LRP1: variants seen among roughly 807,000 people sequenced by gnomAD.
The protein encoded by LRP1 is LDL receptor related protein 1.
A neutral mutation model predicts 541.5 loss-of-function variants in LRP1; 51 were observed. The ratio of observed to expected loss-of-function variants is 0.09; its 90% CI spans 0.08 to 0.12. The LOEUF is 0.12. Ranked by LOEUF, LRP1 falls within the 10% of genes least tolerant of loss-of-function variation. LRP1 has a pLI of 1.00. For synonymous variants in LRP1, 2,219 were observed against 2,470.8 expected (o/e 0.90, Z 3.02); for missense variants, 3,878 against 6,376.2 (o/e 0.61, Z 13.34).
chr12:57,208,217 G>T lies in LRP1; in HGVS notation c.12038+1G>T. On this transcript the variant is annotated splice_donor_variant, in intron 77 of 88. Coordinates refer to ENST00000243077, the MANE Select transcript of LRP1 (RefSeq NM_002332.3). LOFTEE classifies it high-confidence loss of function. Reference sequence around the variant, plus strand: ...CCATTGTGGTGGACCCACTGAGGGGGTGGGCAAGGGCCCTGGGGGGAGGCC... The same window carrying T: ...CCATTGTGGTGGACCCACTGAGGGGTTGGGCAAGGGCCCTGGGGGGAGGCC... 6.2e-7 allele frequency: 1 copy of T among 1,612,888 alleles called. No individual in the cohort carries two copies. Among genetic ancestry groups the T allele is most frequent in the Non-Finnish European group, 8.5e-7 (1 of 1,179,528 alleles).
In LRP1 at chr12:57,177,352, T is replaced by TCTAC. The variant is rs2036067112; in HGVS notation, c.4197-70_4197-67dup. 2.6e-5 allele frequency: 41 copies of TCTAC among 1,559,556 alleles called. 1 individual carries two copies. The South Asian group carries it at 4.7e-4, about 18-fold the overall frequency. ...CAGTGCCATCTGCCTCCTCCCACCCTCTACCTACGATCCCACCACAGTCGC... is the reference window on the plus strand; with the variant it reads ...CAGTGCCATCTGCCTCCTCCCACCCTCTACCTACCTACGATCCCACCACAGTCGC... On this transcript the variant is annotated intron_variant, in intron 25 of 88. Coordinates refer to ENST00000243077, the MANE Select transcript of LRP1 (RefSeq NM_002332.3). This position sits in a 1 kb window ranked among gnomAD's most constrained non-coding sequence, Gnocchi z 6.8.
In LRP1 at chr12:57,140,711, C is replaced by G. The variant is rs116498697; in HGVS notation, c.191-663C>G. Among the ~76,000 whole-genome samples, 324 of 152,222 alleles carry G rather than the reference C, an allele frequency of 2.1e-3. 1 individual carries two copies. Among genetic ancestry groups the G allele is most frequent in the African/African-American group, 7.6e-3 (315 of 41,524 alleles). On this transcript the variant is annotated intron_variant, in intron 2 of 88. Coordinates refer to ENST00000243077, the MANE Select transcript of LRP1 (RefSeq NM_002332.3). ...AGTTTCTCTGCCATGGACCCTGCTTCCCTCAGCTCATCAAAACCTTTTTTT... is the reference window on the plus strand; with the variant it reads ...AGTTTCTCTGCCATGGACCCTGCTTGCCTCAGCTCATCAAAACCTTTTTTT...
At chr12:57,180,531 C>T in intron 32 of LRP1, 52 bp downstream of exon 32, 1 of 1,609,278 alleles carries the variant, frequency 6.2e-7, no homozygotes, top group South Asian at 1.1e-5. Context: ...CAGGCCAGAC[C>T]TACTGGGAGA....
rs749273635 is a variant in LRP1 at position 57,156,816 on chromosome 12, C to A, written c.1457C>A (p.Pro486Gln). ...TGTGAAAACGACCAGTATGGGAAGCCGGGTGGCTGCTCTGACATCTGCCTG... is the reference window on the plus strand; with the variant it reads ...TGTGAAAACGACCAGTATGGGAAGCAGGGTGGCTGCTCTGACATCTGCCTG... ...HACENDQYGK[P>Q]GGCSDICLLA... The change falls in exon 10 of 89, where the codon CCG becomes CAG. Residue 486 changes from proline to glutamine, a missense_variant. Pro to Gln is a moderately conservative substitution (Grantham distance 76). Coordinates refer to ENST00000243077, the MANE Select transcript of LRP1 (RefSeq NM_002332.3). This position sits in a 1 kb window ranked among gnomAD's most constrained non-coding sequence, Gnocchi z 5.2. The A allele has an allele frequency of 6.2e-7, 1 of 1,609,202 alleles. No homozygotes were observed. The highest frequency in any genetic ancestry group is 1.1e-5 in the South Asian group (1 of 90,802).
chr12:57,184,595 A>G lies in LRP1; in HGVS notation c.6186+143A>G. Reference sequence around the variant, plus strand: ...AGCCCAGCCCTCCACCCAGAGTAGGACTCCTGCTACCACAGAGATGATGGG... The same window carrying G: ...AGCCCAGCCCTCCACCCAGAGTAGGGCTCCTGCTACCACAGAGATGATGGG... On this transcript the variant is annotated intron_variant, in intron 38 of 88. Transcript: ENST00000243077. This position sits in a 1 kb window ranked among gnomAD's most constrained non-coding sequence, Gnocchi z 7.8. The G allele has an allele frequency of 7.9e-7, 1 of 1,261,624 alleles. No homozygotes were observed. Among genetic ancestry groups the G allele is most frequent in the Non-Finnish European group, 1.1e-6 (1 of 921,554 alleles). The allele number at this position is 1,261,624 out of a possible 1,614,324, so 78.2% of individuals were successfully genotyped here.
intron 68 of LRP1, 140 bp downstream of exon 68, chr12:57,202,677 A>G: frequency 1.6e-6 from 1 of 639,786 alleles, no homozygotes; most frequent in Non-Finnish European, 2.8e-6. Flanking sequence ...CACCCATCCC[A>G]CTCCATGTCG....
chr12:57,185,161 T>C lies in LRP1; in HGVS notation c.6419T>C (p.Val2140Ala). 6.2e-7 allele frequency: 1 copy of C among 1,614,082 alleles called. No individual in the cohort carries two copies. Among genetic ancestry groups the C allele is most frequent in the African/African-American group, 1.3e-5 (1 of 75,010 alleles). ...GTGCCCCTGCGAACCGGCATCGGCGTCCAGCTTAAAGACATCAAAGTCTTC... is the reference window on the plus strand; with the variant it reads ...GTGCCCCTGCGAACCGGCATCGGCGCCCAGCTTAAAGACATCAAAGTCTTC... ...DSVPLRTGIG[V>A]QLKDIKVFNR... The change falls in exon 40 of 89, where the codon GTC (valine) becomes GCC (alanine). Residue 2140 changes from valine (V) to alanine (A), a missense_variant. Val to Ala is a moderately conservative substitution (Grantham distance 64). Coordinates refer to ENST00000243077, the MANE Select transcript of LRP1 (RefSeq NM_002332.3). The surrounding 1 kb of genome is among the most constrained non-coding windows in gnomAD (Gnocchi z 4.9).
Position 57,190,928 on chromosome 12 carries a change from C to T in LRP1, c.7155C>T (p.Asp2385=). 6.2e-7 allele frequency: 1 copy of T among 1,613,502 alleles called. No homozygotes were observed. Among genetic ancestry groups the T allele is most frequent in the Non-Finnish European group, 8.5e-7 (1 of 1,180,000 alleles). The change falls in exon 43 of 89, where the codon GAC becomes GAT. Residue 2385 remains aspartate, a synonymous_variant. Coordinates refer to ENST00000243077, the MANE Select transcript of LRP1 (RefSeq NM_002332.3). ...DIRTPNGLAI[D]HRAEKLYFSD... ...GTACCCCCAATGGCCTGGCCATCGA[C>T]CACCGTGCCGAGAAGCTCTACTTCT...
intron 6 of LRP1, chr12:57,149,127 C>A: frequency 2.1e-6 from 1 of 477,484 alleles, no homozygotes; most frequent in Non-Finnish European, 3.7e-6. Context: ...GTGCTGGGCA[C>A]CCCTGGACCC....
rs748150646 is a variant in LRP1, at chr12:57,206,701, G to A, written c.11819G>A (p.Arg3940His). Residue 3940 changes from arginine (R) to histidine (H), a missense_variant, in exon 76 of 89, where the codon CGC (arginine) becomes CAC (histidine). Transcript: ENST00000243077. This position sits in a 1 kb window ranked among gnomAD's most constrained non-coding sequence, Gnocchi z 4.7. ...GCTGCGCCTCCTACCACTTCCAACC[G>A]CCACCGGCGACAGATTGACCGGGGT... Reference protein sequence around the residue: ...PPAAPPTTSNRHRRQIDRGVT... With the variant: ...PPAAPPTTSNHHRRQIDRGVT... 17 of 1,613,158 alleles carry A rather than the reference G, an allele frequency of 1.1e-5. No homozygotes were observed. Among genetic ancestry groups the A allele is most frequent in the Admixed American group, 1.7e-5 (1 of 60,002 alleles).
At position 57,173,221 on chromosome 12, in the gene LRP1, G is replaced by A. The variant is rs775184428; in HGVS notation, c.3217G>A (p.Gly1073Arg). The change falls in exon 21 of 89, where the codon GGA becomes AGA. Residue 1073 changes from glycine (G) to arginine (R), a missense_variant. By Grantham distance (125) the Gly-to-Arg change is moderately radical. Around this residue, in one of 13 missense-constraint regions of LRP1, gnomAD observed 320 missense variants for 547.9 expected, o/e 0.58. Transcript: ENST00000243077. The surrounding 1 kb of genome is among the most constrained non-coding windows in gnomAD (Gnocchi z 4.7). ...TGATGAGTTCCAGTGCCGGCTGGAT[G>A]GACTATGCATCCCCCTGCGGTGGCG... ...HTDEFQCRLD[G>R]LCIPLRWRCD... is the part of the protein sequence containing the mutation. The A allele has an allele frequency of 1.2e-6, 2 of 1,613,880 alleles. No individual in the cohort carries two copies. Among genetic ancestry groups the A allele is most frequent in the Non-Finnish European group, 1.7e-6 (2 of 1,179,924 alleles).
chr12:57,163,103 A>T, intron 15 of LRP1, 120 bp downstream of exon 15: 1 of 1,366,966 alleles, frequency 7.3e-7, no homozygotes, highest in Non-Finnish European at 9.7e-7. Flanking sequence ...AGGGGCCCTT[A>T]GGGGGCCAAC....
At chr12:57,188,834 G>T (rs1431841210) in intron 42 of LRP1, among the ~76,000 whole-genome samples, 1 of 152,212 alleles carries the variant, frequency 6.6e-6, no homozygotes, top group Non-Finnish European at 1.5e-5. Flanking sequence ...TGTCCTTGAA[G>T]AGGCGGCATG....
intron 6 of LRP1, chr12:57,149,760 G>A: frequency 2.8e-6 from 2 of 716,988 alleles, no homozygotes; most frequent in East Asian, 2.6e-5. Context: ...AGGAAGAGCT[G>A]AAGTCGGGAC....
intron 15 of LRP1, 21 bp downstream of exon 15, chr12:57,163,004 TG>T: frequency 6.3e-7 from 1 of 1,588,144 alleles, no homozygotes. Flanking sequence ...CCTGGCTGGG[TG>T]GGAGTGGGAA....
At chr12:57,166,241 C>T in intron 17 of LRP1, 32 bp downstream of exon 17, 1 of 1,568,408 alleles carries the variant, frequency 6.4e-7, no homozygotes, top group Non-Finnish European at 8.6e-7. Flanking sequence ...ACACGAGGCA[C>T]CCCTCAGTCA....
At chr12:57,144,217 G>A (rs1054335566) in intron 4 of LRP1, among the ~76,000 whole-genome samples, 23 of 152,178 alleles carry the variant, frequency 1.5e-4, no homozygotes, top group African/African-American at 5.1e-4. Flanking sequence ...CTGCTCAAGA[G>A]TACTGCGTGC....
chr12:57,158,337 A>G lies in LRP1; in HGVS notation c.1562-65A>G. 1.5e-6 allele frequency: 2 copies of G among 1,362,962 alleles called. No individual in the cohort carries two copies. Among genetic ancestry groups the G allele is most frequent in the Non-Finnish European group, 2.0e-6 (2 of 979,484 alleles). 84.4% of individuals were successfully genotyped at this position (1,362,962 alleles called of 1,614,324 possible). ...TAGGGCATTGCAGCCCCTTGGCCGC[A>G]GCCCCTGGGTGGGGATGATGGTCAT... On this transcript the variant is annotated intron_variant, in intron 10 of 88. Coordinates refer to ENST00000243077, the MANE Select transcript of LRP1 (RefSeq NM_002332.3). This position sits in a 1 kb window ranked among gnomAD's most constrained non-coding sequence, Gnocchi z 5.3.
At chr12:57,188,928 G>C (rs116728009) in intron 42 of LRP1, among the ~76,000 whole-genome samples, 3 of 152,260 alleles carry the variant, frequency 2.0e-5, no homozygotes, top group Middle Eastern at 3.4e-3. Context: ...CTGGCAGGAG[G>C]GGCCCTCCCC....
Sources: gnomAD v4.1 joint callset for allele counts (sites outside exome capture counted in the v4.1 genomes callset) on GRCh38, gnomAD v4.1.1 for gene constraint, gnomAD v4.1.1 regional missense constraint, Gnocchi (gnomAD v3.1) non-coding constraint, MANE v1.5 for transcripts, NCBI Gene and HGNC (gene_info 2026-07-23, HGNC 2026-07-21) for gene names.